The following CFAP74 variants were observed in gnomAD, a reference collection of about 807,000 sequenced individuals.
CFAP74 encodes the protein cilia and flagella associated protein 74.
A neutral mutation model predicts 188.9 loss-of-function variants in CFAP74; 124 were observed. The ratio of observed to expected loss-of-function variants is 0.66; its 90% CI spans 0.57 to 0.76. The LOEUF is 0.76. Among genes scored for constraint, CFAP74 ranks in the 30% least tolerant of loss-of-function variants. CFAP74 has a pLI of 0.00. For missense variants in CFAP74, 2,198 were observed against 2,165.2 expected (o/e 1.02, Z -0.30); for synonymous variants, 956 against 916.7 (o/e 1.04, Z -0.77).
At chr1:1,928,932 C>T in intron 26 of CFAP74, 50 bp from the exon 27 acceptor site, 1 of 1,314,452 alleles carries the variant, frequency 7.6e-7, no homozygotes, top group Middle Eastern at 1.8e-4. Flanking sequence ...CCTCCACCTC[C>T]CCGGAGCCCC....
chr1:2,002,819 TTTTATATAAAG>T (rs547820754), intron 1 of CFAP74, among the ~76,000 whole-genome samples: 19 of 150,502 alleles, frequency 1.3e-4, no homozygotes, highest in Admixed American at 1.2e-3. Context: ...TTCTTTAAAA[TTTTATATAAAG>T]TTTATATAAA....
chr1:1,945,099 A>T (rs1653655943), intron 20 of CFAP74, among the ~76,000 whole-genome samples: 1 of 151,896 alleles, frequency 6.6e-6, no homozygotes, highest in Admixed American at 6.6e-5. Flanking sequence ...TGAGCCCAGG[A>T]GTTTGAGACC....
At chr1:1,962,704 G>A (rs1655179574) in intron 14 of CFAP74, among the ~76,000 whole-genome samples, 1 of 152,096 alleles carries the variant, frequency 6.6e-6, no homozygotes, top group African/African-American at 2.4e-5. Flanking sequence ...GGGAAACACA[G>A]TGAAACCCTG....
In CFAP74 at chr1:1,964,995, G is replaced by A. The variant is rs917431326; in HGVS notation, c.1468C>T (p.Arg490Cys). ...CTGCTCCGCAGCCGCTCCACCGTGCGCTCCAGGATGTCCTTGTCCATCTTT... is the reference window on the plus strand; with the variant it reads ...CTGCTCCGCAGCCGCTCCACCGTGCACTCCAGGATGTCCTTGTCCATCTTT... ...GTKMDKDILE[R>C]TVERLRSRVV... is the part of the protein sequence containing the mutation. Residue 490 changes from arginine to cysteine, a missense_variant, in exon 13 of 39, where the codon CGC (arginine) becomes TGC (cysteine). Coordinates refer to ENST00000682832, the MANE Select transcript of CFAP74 (RefSeq NM_001304360.2). The A allele has an allele frequency of 4.3e-6, 7 of 1,613,714 alleles. No homozygotes were observed. The highest frequency in any genetic ancestry group is 2.2e-5 in the East Asian group (1 of 44,884).
chr1:1,963,749 T>C lies in CFAP74; in HGVS notation c.1694A>G (p.Asp565Gly). The change falls in exon 14 of 39, where the codon GAC becomes GGC. Residue 565 changes from aspartate to glycine, a missense_variant and splice_region_variant. By Grantham distance (94) the Asp-to-Gly change is moderately conservative (BLOSUM62 -1). Transcript: ENST00000682832. ...CTCCCTGTCTGAGCCGTCCTCTTAC[T>C]CAACGTGGATGAAGTCCCGGAGGTG... ...EEHLRDFIHV[D>G]FDPPGPLSAG... 1 of 1,605,860 alleles carries C rather than the reference T, an allele frequency of 6.2e-7. No individual in the cohort carries two copies. The highest frequency in any genetic ancestry group is 8.5e-7 in the Non-Finnish European group (1 of 1,172,998).
intron 16 of CFAP74, among the ~76,000 whole-genome samples, 186 bp from the exon 17 acceptor site, chr1:1,956,970 C>T (rs1411692945): frequency 4.6e-5 from 7 of 152,376 alleles, no homozygotes; most frequent in Admixed American, 2.0e-4. Context: ...GTGTGGCACG[C>T]GAGTCTGGTT....
At chr1:1,998,853 G>A (rs1367323635) in intron 1 of CFAP74, among the ~76,000 whole-genome samples, 2 of 152,144 alleles carry the variant, frequency 1.3e-5, no homozygotes, top group African/African-American at 4.8e-5. Flanking sequence ...CTCTAGCCTA[G>A]GCGACAGAGT....
At chr1:1,969,360 G>A (rs1286195479) in intron 10 of CFAP74, among the ~76,000 whole-genome samples, 3 of 103,754 alleles carry the variant, frequency 2.9e-5, no homozygotes, top group Admixed American at 2.2e-4. Flanking sequence ...GCCCAGCCCA[G>A]ACCTTCCCAG....
At chr1:1,956,518 C>A in intron 17 of CFAP74, 102 bp downstream of exon 17, 1 of 1,415,998 alleles carries the variant, frequency 7.1e-7, no homozygotes. Context: ...TTCTCCCAGG[C>A]CCACTGTTGA....
chr1:1,972,846 A>T, intron 8 of CFAP74, 91 bp downstream of exon 8: 2 of 895,416 alleles, frequency 2.2e-6, no homozygotes, highest in Non-Finnish European at 3.6e-6. Flanking sequence ...CATCTTAAAT[A>T]AATAAATAAT....
At chr1:1,963,130 T>C (rs1043621053) in intron 14 of CFAP74, among the ~76,000 whole-genome samples, 3 of 152,182 alleles carry the variant, frequency 2.0e-5, no homozygotes, top group African/African-American at 7.2e-5. Flanking sequence ...CTTATCAGAA[T>C]GGTCAACATC....
At chr1:1,928,692 G>C (rs1652113976) in intron 27 of CFAP74, 92 bp downstream of exon 27, 1 of 916,760 alleles carries the variant, frequency 1.1e-6, no homozygotes, top group South Asian at 1.6e-5. Context: ...CCGGCACGTG[G>C]CCGGAGCCCC....
intron 1 of CFAP74, among the ~76,000 whole-genome samples, chr1:1,992,077 C>T (rs986527175): frequency 6.6e-6 from 1 of 151,632 alleles, no homozygotes; most frequent in African/African-American, 2.4e-5. Context: ...ACGCTGCCAA[C>T]AGTGAGCACT....
rs1651852016 is a variant in CFAP74, at chr1:1,925,911, T to C, written c.3976A>G (p.Lys1326Glu). ...AGGGTGAGGGTGAGCGTGCCTCTCT[T>C]GGTGATGATGTCCAGTGTTTCTTGA... ...LAQETLDIIT[K>E]RGTLTLTLMG... The change falls in exon 33 of 39, where the codon AAG becomes GAG. Residue 1326 changes from lysine (K) to glutamate (E), a missense_variant. Transcript: ENST00000682832. The C allele has an allele frequency of 6.2e-7, 1 of 1,611,182 alleles. No homozygotes were observed. The highest frequency in any genetic ancestry group is 2.2e-5 in the East Asian group (1 of 44,836).
chr1:1,928,835 C>G lies in CFAP74; in HGVS notation c.3336G>C (p.Leu1112=), dbSNP rs113651766. ...GGAGTGGGAGGGCTTCCTGGCGGATCAGCTTCTCGGGCAGCACTGGCCGGA... is the reference window on the plus strand; with the variant it reads ...GGAGTGGGAGGGCTTCCTGGCGGATGAGCTTCTCGGGCAGCACTGGCCGGA... ...VAFRPVLPEK[L]IRQEALPLLN... is the part of the protein sequence containing the mutation. The change falls in exon 27 of 39, where the codon CTG becomes CTC. Residue 1112 remains leucine (L), a synonymous_variant. Transcript: ENST00000682832. 224 of 1,535,716 alleles carry G rather than the reference C, an allele frequency of 1.5e-4. No homozygotes were observed. The African/African-American group carries it at 2.6e-3, about 18-fold the overall frequency.
At chr1:1,970,417 G>A (rs1156640434) in intron 10 of CFAP74, among the ~76,000 whole-genome samples, 1 of 152,180 alleles carries the variant, frequency 6.6e-6, no homozygotes, top group Non-Finnish European at 1.5e-5. Context: ...GTCTGGGAGG[G>A]GAGAAGGGGC....
At position 1,943,575 on chromosome 1, in the gene CFAP74, C is replaced by T. The variant is rs754501122; in HGVS notation, c.2486+756G>A. ...CCGTCCCTCTGCGCTTTCCCACCGG[C>T]GTGGCTGTTCAGGGCAGGCTGCTTG... On this transcript the variant is annotated intron_variant, in intron 21 of 38. Coordinates refer to ENST00000682832, the MANE Select transcript of CFAP74 (RefSeq NM_001304360.2). Among the ~76,000 whole-genome samples the T allele has an allele frequency of 9.2e-5, 14 of 152,376 alleles. 1 individual carries two copies. Among genetic ancestry groups the T allele is most frequent in the South Asian group, 6.2e-4 (3 of 4,826 alleles).
In CFAP74 at chr1:1,973,692, T is replaced by C. The variant is rs28401378; in HGVS notation, c.674+333A>G. 0.078 allele frequency among the ~76,000 whole-genome samples: 11,729 copies of C among 151,078 alleles called. 1,344 individuals carry two copies. Among genetic ancestry groups the C allele is most frequent in the African/African-American group, 0.26 (10,524 of 41,132 alleles). ...AGAGGTGGGGATGGAGCCCAGAGAA[T>C]GGCCTGGCTGGGAAGAGGAAGGGGC... On this transcript the variant is annotated intron_variant, in intron 7 of 38. Transcript: ENST00000682832. The surrounding 1 kb of genome is among the most constrained non-coding windows in gnomAD (Gnocchi z 6.2).
chr1:1,943,748 A>C (rs1653549990), intron 21 of CFAP74, among the ~76,000 whole-genome samples: 1 of 152,168 alleles, frequency 6.6e-6, no homozygotes, highest in Non-Finnish European at 1.5e-5. Context: ...ATTTGCCCCA[A>C]GCTTAGGGGC....
Sources: allele counts gnomAD v4.1 joint callset (sites outside exome capture counted in the v4.1 genomes callset), GRCh38; gene constraint gnomAD v4.1.1; non-coding constraint Gnocchi (gnomAD v3.1); transcripts MANE v1.5; gene names NCBI Gene and HGNC (gene_info 2026-07-23, HGNC 2026-07-21).